Variants in NRXN3 observed in about 807,000 individuals in gnomAD.
NRXN3 encodes neurexin 3, also known as neurexin III.
A neutral mutation model predicts 137.6 loss-of-function variants in NRXN3; 32 were observed. The ratio of observed to expected loss-of-function variants is 0.23; its 90% CI spans 0.18 to 0.31. The LOEUF (loss-of-function observed/expected upper bound fraction) is 0.31. Ranked by LOEUF, NRXN3 falls within the 10% of genes least tolerant of loss-of-function variation. NRXN3 has a pLI of 1.00. For missense variants in NRXN3, 1,574 were observed against 2,062.5 expected (o/e 0.76, Z 4.59); for synonymous variants, 798 against 784.5 (o/e 1.02, Z -0.29).
At chr14:78,398,789 C>G (rs1178374673) in intron 4 of NRXN3, among the ~76,000 whole-genome samples, 1 of 152,092 alleles carries the variant, frequency 6.6e-6, no homozygotes, top group Non-Finnish European at 1.5e-5. Flanking sequence ...TCCAGGCTCC[C>G]CATGTGGTCT....
At chr14:79,684,098 C>T (rs866916194) in intron 17 of NRXN3, among the ~76,000 whole-genome samples, 1 of 152,122 alleles carries the variant, frequency 6.6e-6, no homozygotes, top group Non-Finnish European at 1.5e-5. Context: ...ATTAAATTTG[C>T]AGATAACACA....
At chr14:78,357,453 T>C (rs530333610) in intron 4 of NRXN3, among the ~76,000 whole-genome samples, 8 of 152,170 alleles carry the variant, frequency 5.3e-5, no homozygotes, top group Non-Finnish European at 1.2e-4. Context: ...CACAGAGCCA[T>C]ATCATATCAA....
intron 4 of NRXN3, among the ~76,000 whole-genome samples, chr14:78,511,278 T>TCATG (rs755267755): frequency 3.3e-5 from 5 of 152,250 alleles, no homozygotes; most frequent in Non-Finnish European, 5.9e-5. Context: ...AACCTTTGTG[T>TCATG]CATGATTCAG....
intron 16 of NRXN3, among the ~76,000 whole-genome samples, chr14:79,509,196 AAAT>A (rs551646534): frequency 6.6e-6 from 1 of 151,836 alleles, no homozygotes. Flanking sequence ...TCTGTCTCAA[AAAT>A]AATAATAATA....
intron 19 of NRXN3, among the ~76,000 whole-genome samples, chr14:79,748,647 G>A (rs1281724823): frequency 6.6e-6 from 1 of 152,010 alleles, no homozygotes; most frequent in African/African-American, 2.4e-5. Flanking sequence ...AGTAACTATG[G>A]CAGAGCTCAA....
intron 8 of NRXN3, among the ~76,000 whole-genome samples, chr14:78,730,388 T>C (rs1195997574): frequency 1.3e-5 from 2 of 152,164 alleles, no homozygotes; most frequent in Non-Finnish European, 2.9e-5. Context: ...TTCCTCTTCT[T>C]TATCCCCCCT....
At chr14:78,598,289 C>T (rs773469055) in intron 4 of NRXN3, among the ~76,000 whole-genome samples, 1 of 152,028 alleles carries the variant, frequency 6.6e-6, no homozygotes, top group Non-Finnish European at 1.5e-5. Flanking sequence ...GCCGCTGACA[C>T]GTGAGCAAGG....
intron 4 of NRXN3, among the ~76,000 whole-genome samples, chr14:78,616,906 C>T (rs906170491): frequency 8.5e-5 from 13 of 152,134 alleles, no homozygotes; most frequent in African/African-American, 3.1e-4. Context: ...TACAAATTAG[C>T]TGAGTTCTCC....
chr14:79,154,983 C>A (rs1425725899), intron 15 of NRXN3, among the ~76,000 whole-genome samples: 1 of 151,864 alleles, frequency 6.6e-6, no homozygotes, highest in Non-Finnish European at 1.5e-5. Context: ...CTGTGGATCT[C>A]TTATGAGTAT....
chr14:79,280,610 G>A, intron 15 of NRXN3: 1 of 1,382,056 alleles, frequency 7.2e-7, no homozygotes, highest in Non-Finnish European at 1.0e-6. Flanking sequence ...TGCAGGTAGT[G>A]TCAAAGGTGG....
chr14:79,774,924 G>T (rs1036059690), intron 19 of NRXN3, among the ~76,000 whole-genome samples: 1 of 151,926 alleles, frequency 6.6e-6, no homozygotes, highest in Non-Finnish European at 1.5e-5. Flanking sequence ...AGTGGATTAA[G>T]TATGATATAT....
chr14:79,294,078 G>A (rs577293870), intron 15 of NRXN3, among the ~76,000 whole-genome samples: 1 of 152,182 alleles, frequency 6.6e-6, no homozygotes, highest in African/African-American at 2.4e-5. Context: ...AAAAAGAAAA[G>A]TGTACAATCT....
At chr14:79,601,866 G>A (rs985478343) in intron 16 of NRXN3, among the ~76,000 whole-genome samples, 2 of 152,194 alleles carry the variant, frequency 1.3e-5, no homozygotes, top group Non-Finnish European at 2.9e-5. Flanking sequence ...ACAGAAGAGA[G>A]TGCTAGAGAC....
intron 20 of NRXN3, among the ~76,000 whole-genome samples, chr14:79,828,240 TC>T (rs978362790): frequency 6.6e-6 from 1 of 152,180 alleles, no homozygotes. Flanking sequence ...CCTGTACTGC[TC>T]CTGGGAGGAA....
At chr14:79,610,908 T>C (rs577063825) in intron 16 of NRXN3, among the ~76,000 whole-genome samples, 11 of 152,312 alleles carry the variant, frequency 7.2e-5, no homozygotes, top group African/African-American at 2.6e-4. Context: ...TGTCAATGCC[T>C]GAAAATAGTG....
chr14:78,788,712 T>C (rs896601014), intron 8 of NRXN3, among the ~76,000 whole-genome samples: 2 of 152,156 alleles, frequency 1.3e-5, no homozygotes, highest in African/African-American at 4.8e-5. Flanking sequence ...GCCCACTATC[T>C]CTTACCTATA....
intron 11 of NRXN3, among the ~76,000 whole-genome samples, chr14:78,963,115 T>C (rs1221890518): frequency 6.6e-6 from 1 of 152,112 alleles, no homozygotes; most frequent in Non-Finnish European, 1.5e-5. Flanking sequence ...TTAACTTCAC[T>C]TCTTGTACTT....
At chr14:79,507,640 A>G (rs1251737351) in intron 16 of NRXN3, among the ~76,000 whole-genome samples, 1 of 152,152 alleles carries the variant, frequency 6.6e-6, no homozygotes, top group Non-Finnish European at 1.5e-5. Context: ...AGCACATGGT[A>G]TCTAGGTGCA....
At chr14:79,721,241 A>G (rs542981511) in intron 19 of NRXN3, among the ~76,000 whole-genome samples, 174 of 152,238 alleles carry the variant, frequency 1.1e-3, no homozygotes, top group Middle Eastern at 0.01. Context: ...AATTCCAGAC[A>G]CAGATCATTA....
Sources: allele counts gnomAD v4.1 joint callset (sites outside exome capture counted in the v4.1 genomes callset), GRCh38; gene constraint gnomAD v4.1.1; transcripts MANE v1.5; gene names NCBI Gene and HGNC (gene_info 2026-07-23, HGNC 2026-07-21).